Variants in KANK1 observed in about 807,000 individuals in gnomAD.
KANK1 encodes the protein KN motif and ankyrin repeat domain-containing protein 1.
A neutral mutation model predicts 106.2 loss-of-function variants in KANK1; 109 were observed. That is an observed-to-expected ratio of 1.03 (90% CI 0.88 to 1.20). KANK1 has a LOEUF of 1.20. Ranked by LOEUF, KANK1 falls within the 50% of genes most tolerant of loss-of-function variation. The pLI is 0.00. For missense variants in KANK1, 2,399 were observed against 1,710.7 expected (o/e 1.40, Z -7.10); for synonymous variants, 873 against 652.2 (o/e 1.34, Z -5.16).
chr9:478,237 A>G (rs997936730), intron 3 of KANK1: 1 of 153,626 alleles, frequency 6.5e-6, no homozygotes, highest in Non-Finnish European at 1.5e-5. Flanking sequence ...TGGGACCCGT[A>G]AAGAGATCTT....
intron 1 of KANK1, among the ~76,000 whole-genome samples, chr9:565,015 T>C (rs1032223236): frequency 2.0e-5 from 3 of 152,138 alleles, no homozygotes; most frequent in African/African-American, 7.2e-5. Context: ...GCTGGAATGG[T>C]GACTGCTTTC....
chr9:651,177 A>G (rs1840807791), intron 1 of KANK1, among the ~76,000 whole-genome samples: 2 of 152,362 alleles, frequency 1.3e-5, no homozygotes, highest in Admixed American at 6.5e-5. Context: ...ATACAACACT[A>G]AAAATCATAC....
intron 2 of KANK1, chr9:706,783 G>C (rs1355666537): frequency 3.0e-6 from 3 of 985,352 alleles, no homozygotes; most frequent in African/African-American, 3.5e-5. Flanking sequence ...CGGATCCTGA[G>C]AACCCGCAGA....
intron 3 of KANK1, among the ~76,000 whole-genome samples, chr9:489,270 G>A (rs1445752641): frequency 6.6e-6 from 1 of 151,944 alleles, no homozygotes; most frequent in Non-Finnish European, 1.5e-5. Context: ...TTTTGGAAAG[G>A]CCTTTCTGAT....
intron 1 of KANK1, among the ~76,000 whole-genome samples, chr9:625,041 CT>C (rs61697563): frequency 0.8 from 121,490 of 151,962 alleles, 49,035 homozygotes; most frequent in African/African-American, 0.92. Flanking sequence ...GAAATTGTGC[CT>C]TGTTCGATGC....
intron 1 of KANK1, among the ~76,000 whole-genome samples, chr9:537,959 C>T (rs2060388891): frequency 6.6e-6 from 1 of 152,170 alleles, no homozygotes; most frequent in African/African-American, 2.4e-5. Flanking sequence ...TTTTCTCACT[C>T]AACACAACAA....
Position 712,159 on chromosome 9 carries a change from T to C in KANK1, c.1393T>C (p.Leu465=), listed in dbSNP as rs768942422. Residue 465 remains leucine (L), a synonymous_variant, in exon 3 of 12, where the codon TTG becomes CTG. Transcript: ENST00000382297. The part of the protein sequence containing the change: ...IELQQQTIES[L]KEKIYRLEVQ... The stretch of plus-strand genomic sequence containing the variant: ...GCTGCAACAGCAGACCATAGAATCC[T>C]TGAAGGAAAAGATCTATCGCCTAGA... 8.1e-6 allele frequency: 13 copies of C among 1,614,014 alleles called. No homozygotes were observed. Among genetic ancestry groups the C allele is most frequent in the Non-Finnish European group, 1.0e-5 (12 of 1,180,014 alleles).
At chr9:485,741 CATGCCTGTA>C (rs1242490817) in intron 3 of KANK1, among the ~76,000 whole-genome samples, 2 of 151,932 alleles carry the variant, frequency 1.3e-5, no homozygotes, top group Non-Finnish European at 2.9e-5. Context: ...TGTGGTGGCG[CATGCCTGTA>C]ATCCCAGCTA....
intron 8 of KANK1, among the ~76,000 whole-genome samples, chr9:740,034 G>C (rs1270041942): frequency 6.6e-6 from 1 of 152,098 alleles, no homozygotes; most frequent in East Asian, 1.9e-4. Flanking sequence ...CTTTATGATA[G>C]AAACATTCTG....
In KANK1 at chr9:524,492, AGTAGTAT is replaced by A. The variant is rs1444478071; in HGVS notation, c.-84+19741_-84+19747del. On this transcript the variant is annotated intron_variant, in intron 1 of 11. Coordinates refer to ENST00000382297, the MANE Select transcript of KANK1 (RefSeq NM_015158.5). ...TGGCCAGGTTGGCACCATTGTTTCAAGTAGTATGTCACTTATTGTGGGGTTTTTTGTT... is the reference window on the plus strand; with the variant it reads ...TGGCCAGGTTGGCACCATTGTTTCAAGTCACTTATTGTGGGGTTTTTTGTT... Among the ~76,000 whole-genome samples the A allele has an allele frequency of 4.4e-4, 66 of 151,716 alleles. 3 individuals are homozygous for A. The highest frequency in any genetic ancestry group is 1.6e-3 in the African/African-American group (65 of 41,102).
At chr9:718,452 A>G (rs1457390296) in intron 3 of KANK1, among the ~76,000 whole-genome samples, 1 of 150,470 alleles carries the variant, frequency 6.6e-6, no homozygotes, top group Non-Finnish European at 1.5e-5. Context: ...TGCTGGGACT[A>G]CAGGTGCATG....
At chr9:608,734 G>A (rs1019424905) in intron 1 of KANK1, among the ~76,000 whole-genome samples, 1 of 152,122 alleles carries the variant, frequency 6.6e-6, no homozygotes, top group Non-Finnish European at 1.5e-5. Flanking sequence ...TGTGGCTGAC[G>A]AACCACACCT....
chr9:632,390 T>G (rs1014571732), intron 1 of KANK1, among the ~76,000 whole-genome samples: 7 of 152,332 alleles, frequency 4.6e-5, no homozygotes, highest in African/African-American at 1.4e-4. Flanking sequence ...GTAATTGTAT[T>G]GTTAATCTTA....
intron 1 of KANK1, among the ~76,000 whole-genome samples, chr9:517,550 C>G (rs866333638): frequency 6.0e-5 from 9 of 151,234 alleles, no homozygotes; most frequent in African/African-American, 9.8e-5. Flanking sequence ...ATAGGGAAGC[C>G]TTTTTTTTCC....
At chr9:693,661 A>G (rs1820526667) in intron 2 of KANK1, 1 of 985,274 alleles carries the variant, frequency 1.0e-6, no homozygotes, top group Admixed American at 6.2e-5. Flanking sequence ...GTATAAATAA[A>G]TTCTCTGCAA....
chr9:579,112 A>G lies in KANK1; in HGVS notation c.-84+74358A>G, dbSNP rs1045518542. On this transcript the variant is annotated intron_variant, in intron 1 of 11. Coordinates refer to ENST00000382297, the MANE Select transcript of KANK1 (RefSeq NM_015158.5). ...TCAGTGAGGCACAGTTTGGCAGGGAAGGCACACTGAAGCTGCAGGGATGGG... is the reference window on the plus strand; with the variant it reads ...TCAGTGAGGCACAGTTTGGCAGGGAGGGCACACTGAAGCTGCAGGGATGGG... 1.3e-4 allele frequency among the ~76,000 whole-genome samples: 20 copies of G among 152,184 alleles called. No individual in the cohort carries two copies. In the South Asian group the frequency reaches 1.4e-3, roughly 11 times the overall value.
intron 9 of KANK1, among the ~76,000 whole-genome samples, chr9:741,650 G>A (rs112626902): frequency 0.01 from 1,530 of 152,098 alleles, 18 homozygotes; most frequent in African/African-American, 0.033. Context: ...CCCACGTCCG[G>A]CTTATTTTTT....
upstream of KANK1, among the ~76,000 whole-genome samples, chr9:500,781 C>G (rs908744378): frequency 6.6e-6 from 1 of 152,126 alleles, no homozygotes. Context: ...TTTTCCATAC[C>G]CTGATTTTCT....
chr9:591,815 C>T (rs1480191475), intron 1 of KANK1, among the ~76,000 whole-genome samples: 3 of 151,596 alleles, frequency 2.0e-5, no homozygotes, highest in African/African-American at 4.9e-5. Flanking sequence ...CCCACTACGA[C>T]GCCCAGCTAA....
Sources: gnomAD v4.1 joint callset for allele counts (sites outside exome capture counted in the v4.1 genomes callset) on GRCh38, gnomAD v4.1.1 for gene constraint, MANE v1.5 for transcripts, NCBI Gene and HGNC (gene_info 2026-07-23, HGNC 2026-07-21) for gene names.